DNAAF9: variants seen among roughly 807,000 people sequenced by gnomAD.
DNAAF9 encodes dynein axonemal assembly factor 9, also known as shulin.
In DNAAF9, 90 loss-of-function variants were observed where a neutral mutation model predicts 167.0. That is an observed-to-expected ratio of 0.54 (90% CI 0.45 to 0.64). The LOEUF (loss-of-function observed/expected upper bound fraction) is 0.64, where lower values mean the gene tolerates loss of function less well. Ranked by LOEUF, DNAAF9 falls within the 30% of genes least tolerant of loss-of-function variation. The probability of loss-of-function intolerance (pLI) is 0.00; values close to 1 mark genes in which losing one functional copy is unlikely to be tolerated. For synonymous variants in DNAAF9, 491 were observed against 508.8 expected, an observed-to-expected ratio of 0.96 and a Z score of 0.47; for missense variants, 1,315 against 1,442.2, an observed-to-expected ratio of 0.91 and a Z score of 1.43.
Position 3,287,660 on chromosome 20 carries a change from T to G in DNAAF9, c.2458A>C (p.Lys820Gln). 6.2e-7 allele frequency: 1 copy of G among 1,614,234 alleles called. No homozygotes were observed. Among genetic ancestry groups the G allele is most frequent in the Non-Finnish European group, 8.5e-7 (1 of 1,180,040 alleles). The change falls in exon 27 of 37, where the codon AAG (lysine) becomes CAG (glutamine). Residue 820 changes from lysine to glutamine, a missense_variant. Transcript: ENST00000252032. ...SARQSAYIRK[K>Q]TRLLVVLQGY... is the part of the protein sequence containing the mutation. ...TGTAACACCACCAGCAGTCTGGTCTTCTTGCGGATGTAGGCTGACTGGCGC... is the reference window on the plus strand; with the variant it reads ...TGTAACACCACCAGCAGTCTGGTCTGCTTGCGGATGTAGGCTGACTGGCGC...
intron 27 of DNAAF9, among the ~76,000 whole-genome samples, chr20:3,285,871 T>C (rs2068844203): frequency 1.3e-5 from 2 of 150,856 alleles, no homozygotes; most frequent in African/African-American, 4.9e-5. Flanking sequence ...TCCCAGCTAC[T>C]TGGGAGGCTG....
At chr20:3,298,288 G>T in intron 21 of DNAAF9, 113 bp from the exon 22 acceptor site, 1 of 850,930 alleles carries the variant, frequency 1.2e-6, no homozygotes, top group Non-Finnish European at 1.9e-6. Context: ...GTCACATTAC[G>T]TAGTTCACTG....
At chr20:3,328,415 T>C (rs2069756717) in intron 12 of DNAAF9, among the ~76,000 whole-genome samples, 1 of 152,058 alleles carries the variant, frequency 6.6e-6, no homozygotes, top group Non-Finnish European at 1.5e-5. Flanking sequence ...CTCCTGACCT[T>C]GTGATCCATC....
At chr20:3,371,832 C>T (rs1490671379) in intron 6 of DNAAF9, among the ~76,000 whole-genome samples, 2 of 152,142 alleles carry the variant, frequency 1.3e-5, no homozygotes, top group Admixed American at 1.3e-4. Flanking sequence ...AGGATCCTCC[C>T]CTTGTGGAGC....
chr20:3,347,553 T>C (rs2070218482), intron 8 of DNAAF9, among the ~76,000 whole-genome samples: 1 of 152,216 alleles, frequency 6.6e-6, no homozygotes, highest in Admixed American at 6.5e-5. Context: ...TATAAGACTT[T>C]TTCCCTATTA....
intron 9 of DNAAF9, 57 bp from the exon 10 acceptor site, chr20:3,340,696 T>TTAATAAG: frequency 6.5e-7 from 1 of 1,545,506 alleles, no homozygotes; most frequent in South Asian, 1.1e-5. Context: ...CAAGGCAACC[T>TTAATAAG]TCCATGACCT....
chr20:3,345,740 GA>G (rs531837892), intron 8 of DNAAF9, among the ~76,000 whole-genome samples: 3 of 152,104 alleles, frequency 2.0e-5, no homozygotes, highest in African/African-American at 2.4e-5. Context: ...TGCATGGCAA[GA>G]AAAAAACCCA....
At chr20:3,361,826 T>G (rs2123182167) in intron 6 of DNAAF9, 2 of 1,404,374 alleles carry the variant, frequency 1.4e-6, no homozygotes, top group Non-Finnish European at 2.0e-6. Flanking sequence ...AAATGAAGAC[T>G]GCTTAAATCG....
intron 6 of DNAAF9, among the ~76,000 whole-genome samples, chr20:3,373,218 C>T (rs1301546622): frequency 1.3e-5 from 2 of 152,224 alleles, no homozygotes; most frequent in African/African-American, 4.8e-5. Context: ...GATGCCAGTA[C>T]TTCTCAGAGG....
chr20:3,392,433 C>T (rs1038335303), intron 1 of DNAAF9, among the ~76,000 whole-genome samples: 3 of 152,120 alleles, frequency 2.0e-5, no homozygotes, highest in African/African-American at 4.8e-5. Context: ...GAAGAAGAAA[C>T]CAAGAGCTAA....
intron 25 of DNAAF9, among the ~76,000 whole-genome samples, chr20:3,291,283 C>A (rs1174400671): frequency 6.6e-6 from 1 of 151,646 alleles, no homozygotes; most frequent in African/African-American, 2.4e-5. Context: ...AGGAACCCTG[C>A]AATCACCGAG....
chr20:3,330,431 A>G (rs942745478), intron 12 of DNAAF9, among the ~76,000 whole-genome samples: 3 of 151,730 alleles, frequency 2.0e-5, no homozygotes, highest in African/African-American at 7.3e-5. Context: ...CTGTAGAGAC[A>G]GGGTCTGCTT....
At chr20:3,357,801 C>A (rs2083308597) in intron 7 of DNAAF9, among the ~76,000 whole-genome samples, 1 of 151,650 alleles carries the variant, frequency 6.6e-6, no homozygotes, top group South Asian at 2.1e-4. Flanking sequence ...CGGGTTCCAG[C>A]AATTTAAGAC....
intron 33 of DNAAF9, among the ~76,000 whole-genome samples, chr20:3,258,960 T>A (rs1473566882): frequency 6.6e-6 from 1 of 152,190 alleles, no homozygotes; most frequent in Non-Finnish European, 1.5e-5. Context: ...CAACATTGAG[T>A]TGACTGACTC....
intron 10 of DNAAF9, 65 bp from the exon 11 acceptor site, chr20:3,332,426 C>T (rs2069847350): frequency 2.3e-5 from 18 of 788,836 alleles, no homozygotes; most frequent in Non-Finnish European, 3.9e-5. Context: ...AGTAGATAAA[C>T]AAAAAGTATA....
intron 6 of DNAAF9, among the ~76,000 whole-genome samples, chr20:3,365,815 T>C (rs185635352): frequency 3.5e-4 from 53 of 152,372 alleles, no homozygotes; most frequent in Non-Finnish European, 6.3e-4. Flanking sequence ...GTTTCAACAA[T>C]GTTCACAGCA....
At chr20:3,277,181 G>A (rs1208463537) in intron 29 of DNAAF9, among the ~76,000 whole-genome samples, 2 of 152,166 alleles carry the variant, frequency 1.3e-5, no homozygotes, top group African/African-American at 4.8e-5. Flanking sequence ...GCTGGCTTCA[G>A]CCCTCACCTC....
At chr20:3,268,242 C>T (rs548157569) in intron 30 of DNAAF9, among the ~76,000 whole-genome samples, 2 of 151,880 alleles carry the variant, frequency 1.3e-5, no homozygotes, top group Admixed American at 1.3e-4. Flanking sequence ...GTTGGCCAGG[C>T]TGGGCTGGTC....
At position 3,387,884 on chromosome 20, in the gene DNAAF9, T is replaced by TAAAA. The variant is rs557861791; in HGVS notation, c.84-5382_84-5379dup. On this transcript the variant is annotated intron_variant, in intron 1 of 36. Transcript: ENST00000252032. ...AGGGAGACCCTGTCTCTACAAAAAG[T>TAAAA]AAAAAAAAAAAAAAAAAAAAAAAAA... Among the ~76,000 whole-genome samples the TAAAA allele has an allele frequency of 5.2e-4, 45 of 87,360 alleles. 1 individual carries two copies. Among genetic ancestry groups the TAAAA allele is most frequent in the African/African-American group, 1.5e-3 (31 of 20,780 alleles). The allele number at this position is 87,360 out of a possible 152,430, so 57.3% of individuals were successfully genotyped here.
Sources: allele counts gnomAD v4.1 joint callset (sites outside exome capture counted in the v4.1 genomes callset), GRCh38; gene constraint gnomAD v4.1.1; transcripts MANE v1.5; gene names NCBI Gene and HGNC (gene_info 2026-07-23, HGNC 2026-07-21).